Variants in INSR observed in about 807,000 individuals in gnomAD.
INSR encodes the protein IR.
In INSR, 67 loss-of-function variants were observed where a neutral mutation model predicts 142.6. The observed-to-expected ratio is 0.47, with a 90% CI of 0.39 to 0.58. The LOEUF is 0.58. Among genes scored for constraint, INSR ranks in the 20% least tolerant of loss-of-function variants. The pLI, the probability that INSR is intolerant of heterozygous loss-of-function variation, is 0.00. For synonymous variants in INSR, 756 were observed against 743.1 expected, an observed-to-expected ratio of 1.02 and a Z score of -0.28; for missense variants, 1,248 against 1,833.2, an observed-to-expected ratio of 0.68 and a Z score of 5.83.
chr19:7,121,548 C>T (rs1972492255), intron 19 of INSR, among the ~76,000 whole-genome samples: 1 of 151,964 alleles, frequency 6.6e-6, no homozygotes, highest in African/African-American at 2.4e-5. Flanking sequence ...CTCACTGCAG[C>T]CTCCACCTCC....
chr19:7,153,328 A>ATAC (rs1973478507), intron 9 of INSR, among the ~76,000 whole-genome samples: 2 of 139,682 alleles, frequency 1.4e-5, no homozygotes, highest in East Asian at 2.6e-4. Flanking sequence ...CACACCACAC[A>ATAC]CACCCACGCC....
At chr19:7,273,644 G>C (rs1967985026) in intron 1 of INSR, among the ~76,000 whole-genome samples, 1 of 150,800 alleles carries the variant, frequency 6.6e-6, no homozygotes, top group Non-Finnish European at 1.5e-5. Flanking sequence ...TCAGCCTCCC[G>C]AGTAGCTGGG....
Position 7,234,893 on chromosome 19 carries a change from C to T in INSR, c.652+32452G>A, listed in dbSNP as rs977359442. Among the ~76,000 whole-genome samples, 18 of 151,962 alleles carry T rather than the reference C, an allele frequency of 1.2e-4. No individual in the cohort carries two copies. In the East Asian group the frequency reaches 1.5e-3, roughly 13 times the overall value. ...CTAACATGATGAAACCCCATCTCTACGAAAAATACAAAAAATTAGCCAGGT... is the reference window on the plus strand; with the variant it reads ...CTAACATGATGAAACCCCATCTCTATGAAAAATACAAAAAATTAGCCAGGT... On this transcript the variant is annotated intron_variant, in intron 2 of 21. Transcript: ENST00000302850.
At chr19:7,199,948 C>G (rs971919501) in intron 2 of INSR, among the ~76,000 whole-genome samples, 1 of 151,866 alleles carries the variant, frequency 6.6e-6, no homozygotes, top group South Asian at 2.1e-4. Flanking sequence ...AACGGAGGGG[C>G]GGGGATTAGG....
chr19:7,134,541 C>A (rs1167599127), intron 13 of INSR, among the ~76,000 whole-genome samples: 1 of 151,806 alleles, frequency 6.6e-6, no homozygotes, highest in African/African-American at 2.4e-5. Context: ...CCAAGGCGGG[C>A]AGATCACGAG....
intron 2 of INSR, among the ~76,000 whole-genome samples, chr19:7,239,266 A>G (rs1976262913): frequency 6.6e-6 from 1 of 151,942 alleles, no homozygotes; most frequent in East Asian, 1.9e-4. Flanking sequence ...GACGTTGCCA[A>G]TGCAGAGTCC....
intron 1 of INSR, among the ~76,000 whole-genome samples, chr19:7,293,411 T>C (rs747265522): frequency 3.1e-4 from 47 of 152,288 alleles, no homozygotes; most frequent in Non-Finnish European, 5.4e-4. Context: ...TTCGGGGCTG[T>C]CCAGACCCAG....
intron 2 of INSR, among the ~76,000 whole-genome samples, chr19:7,232,683 G>A (rs10403048): frequency 0.7 from 106,286 of 151,250 alleles, 37,647 homozygotes; most frequent in East Asian, 0.8. Context: ...GGTGGCAGGC[G>A]CCTGTAGTCC....
intron 2 of INSR, among the ~76,000 whole-genome samples, chr19:7,191,853 AAGAG>A (rs1448577530): frequency 1.4e-5 from 2 of 146,394 alleles, no homozygotes; most frequent in Admixed American, 7.1e-5. Flanking sequence ...AGAGAAAAGA[AAGAG>A]AGAGTGAAAG....
intron 2 of INSR, among the ~76,000 whole-genome samples, chr19:7,240,243 TG>T (rs1464985320): frequency 6.6e-6 from 1 of 152,176 alleles, no homozygotes; most frequent in Admixed American, 6.6e-5. Context: ...ATAAATAAGA[TG>T]GCAAATTTTA....
chr19:7,183,920 A>G (rs1241923943), intron 3 of INSR, among the ~76,000 whole-genome samples: 1 of 151,892 alleles, frequency 6.6e-6, no homozygotes, highest in Non-Finnish European at 1.5e-5. Flanking sequence ...TTAGCCGGGC[A>G]TGGTGGCAGG....
intron 2 of INSR, among the ~76,000 whole-genome samples, chr19:7,236,348 A>C (rs548533479): frequency 6.6e-6 from 1 of 152,298 alleles, no homozygotes; most frequent in East Asian, 1.9e-4. Context: ...GCATTGGTCC[A>C]CATAAAAGAC....
intron 14 of INSR, among the ~76,000 whole-genome samples, chr19:7,129,383 G>A (rs1256995355): frequency 6.6e-6 from 1 of 152,116 alleles, no homozygotes; most frequent in Non-Finnish European, 1.5e-5. Context: ...AGAGTTCAGT[G>A]GCACGATCTC....
In INSR at chr19:7,151,164, C is replaced by CTCTTTCCTTTCTT. The variant is rs1169790764; in HGVS notation, c.2232-633_2232-632insAAGAAAGGAAAGA. ...TTCTCTCTTTCCTTTCTTTCTTTCTCTTTCTTTCTTTCTTTCTTTCTTTCT... is the reference window on the plus strand; with the variant it reads ...TTCTCTCTTTCCTTTCTTTCTTTCTCTCTTTCCTTTCTTTTTCTTTCTTTCTTTCTTTCTTTCT... On this transcript the variant is annotated intron_variant, in intron 10 of 21. Coordinates refer to ENST00000302850, the MANE Select transcript of INSR (RefSeq NM_000208.4). 6.7e-3 allele frequency among the ~76,000 whole-genome samples: 34 copies of CTCTTTCCTTTCTT among 5,052 alleles called. 1 individual carries two copies. The highest frequency in any genetic ancestry group is 1.9e-3 in the Non-Finnish European group (2 of 1,068). 3.3% of individuals were successfully genotyped at this position (5,052 alleles called of 152,430 possible). A position where few individuals can be genotyped will look rare whatever the true frequency, so the allele number is the denominator to read the frequency against.
chr19:7,183,193 T>C (rs1173215716), intron 3 of INSR, among the ~76,000 whole-genome samples: 1 of 152,012 alleles, frequency 6.6e-6, no homozygotes, highest in Non-Finnish European at 1.5e-5. Flanking sequence ...GGAAGATACT[T>C]TACGTAAGCA....
chr19:7,237,726 G>A (rs1234838416), intron 2 of INSR, among the ~76,000 whole-genome samples: 1 of 152,034 alleles, frequency 6.6e-6, no homozygotes, highest in Non-Finnish European at 1.5e-5. Context: ...TGAGGCAGGA[G>A]AATGGCGTAA....
In INSR at chr19:7,112,671, T is replaced by TG. The variant is rs1972235451; in HGVS notation, c.*4384dup. On this transcript the variant is annotated 3_prime_UTR_variant, in exon 22 of 22. Transcript: ENST00000302850. ...TCTGGTTTTTAACAAGGATTTTCAGTGGCCCGCACCCAGATAGAAATTTGG... is the reference window on the plus strand; with the variant it reads ...TCTGGTTTTTAACAAGGATTTTCAGTGGGCCCGCACCCAGATAGAAATTTGG... The TG allele has an allele frequency of 6.6e-6, 1 of 152,324 alleles. No homozygotes were observed. The highest frequency in any genetic ancestry group is 2.4e-5 in the African/African-American group (1 of 41,558). The allele number at this position is 152,324 out of a possible 1,614,324, so 9.4% of individuals were successfully genotyped here.
intron 2 of INSR, among the ~76,000 whole-genome samples, chr19:7,229,312 GGATGGATGGATGGATGGATA>G (rs199716445): frequency 0.02 from 1,317 of 66,730 alleles, 33 homozygotes; most frequent in East Asian, 0.17. Flanking sequence ...ATGGATGGAT[GGATGGATGGATGGATGGATA>G]GATGGATGGA....
chr19:7,161,995 C>T (rs1314407134), intron 9 of INSR, among the ~76,000 whole-genome samples: 2 of 151,824 alleles, frequency 1.3e-5, no homozygotes, highest in African/African-American at 2.4e-5. Flanking sequence ...CCAGCCTGGG[C>T]AATATAAGGA....
Sources: allele counts gnomAD v4.1 joint callset (sites outside exome capture counted in the v4.1 genomes callset), GRCh38; gene constraint gnomAD v4.1.1; transcripts MANE v1.5; gene names NCBI Gene and HGNC (gene_info 2026-07-23, HGNC 2026-07-21).